Variants in STK32A observed in about 807,000 individuals in gnomAD.
STK32A encodes serine/threonine-protein kinase 32A.
In STK32A, 41 loss-of-function variants were observed where a neutral mutation model predicts 53.2. The observed-to-expected ratio is 0.77, with a 90% CI of 0.60 to 1.00. STK32A has a LOEUF of 1.00. Among genes scored for constraint, STK32A ranks in the 50% least tolerant of loss-of-function variants. The pLI is 0.00. For synonymous variants in STK32A, 166 were observed against 162.8 expected (o/e 1.02, Z -0.15); for missense variants, 458 against 485.8 (o/e 0.94, Z 0.54).
At chr5:147,273,594 C>A (rs1755137083) in intron 2 of STK32A, among the ~76,000 whole-genome samples, 1 of 152,152 alleles carries the variant, frequency 6.6e-6, no homozygotes. Flanking sequence ...TATAAACTTG[C>A]TAATGAGCAG....
At chr5:147,260,096 T>C (rs994358725) in intron 2 of STK32A, among the ~76,000 whole-genome samples, 1 of 142,670 alleles carries the variant, frequency 7.0e-6, no homozygotes, top group Non-Finnish European at 1.5e-5. Flanking sequence ...CCTCTGTCTC[T>C]GTCTCTGTCT....
rs78721247 is a variant in STK32A at position 147,282,342 on chromosome 5, T to C, written c.260+2944T>C. On this transcript the variant is annotated intron_variant, in intron 4 of 12. Coordinates refer to ENST00000397936, the MANE Select transcript of STK32A (RefSeq NM_001112724.2). ...CCACTGGAGAAGCTGAAGGTCTGTT[T>C]GTGGGAGAACAGCTTTAGCTCTTTT... 2.1e-3 allele frequency among the ~76,000 whole-genome samples: 323 copies of C among 152,282 alleles called. 2 individuals carry two copies. The highest frequency in any genetic ancestry group is 7.4e-3 in the African/African-American group (307 of 41,556).
At chr5:147,393,238 G>A in the STK32A span, 1 of 152,418 alleles carries the variant, frequency 6.6e-6, no homozygotes, top group Non-Finnish European at 1.5e-5. Flanking sequence ...GGCAGGGAGG[G>A]CAAGAGGAAG....
Position 147,368,209 on chromosome 5 carries a change from G to C in STK32A, c.661-2445G>C, listed in dbSNP as rs554371126. Among the ~76,000 whole-genome samples the C allele has an allele frequency of 4.6e-5, 7 of 152,346 alleles. No individual in the cohort carries two copies. In the South Asian group the frequency reaches 1.4e-3, roughly 32 times the overall value. On this transcript the variant is annotated intron_variant, in intron 8 of 12. Coordinates refer to ENST00000397936, the MANE Select transcript of STK32A (RefSeq NM_001112724.2). ...TATCCAAAAGTGTTAACTTAGGATA[G>C]ATGTGTACATAGTTTTGTACTCATT...
At chr5:147,296,826 T>C (rs971460821) in intron 4 of STK32A, among the ~76,000 whole-genome samples, 8 of 152,162 alleles carry the variant, frequency 5.3e-5, no homozygotes, top group African/African-American at 1.4e-4. Flanking sequence ...CATGTCTGCC[T>C]GCCTACTGTA....
chr5:147,298,603 T>A (rs115288648), intron 4 of STK32A, among the ~76,000 whole-genome samples: 1 of 152,204 alleles, frequency 6.6e-6, no homozygotes, highest in East Asian at 1.9e-4. Flanking sequence ...TTTAGATAGT[T>A]GAACTGCCTT....
At chr5:147,330,576 C>G (rs1200065713) in intron 5 of STK32A, among the ~76,000 whole-genome samples, 3 of 152,194 alleles carry the variant, frequency 2.0e-5, no homozygotes, top group Non-Finnish European at 1.5e-5. Context: ...CAGTTCCATA[C>G]CAATTTCTGC....
At chr5:147,250,546 G>T (rs764580120) in intron 2 of STK32A, among the ~76,000 whole-genome samples, 5 of 152,276 alleles carry the variant, frequency 3.3e-5, no homozygotes, top group Admixed American at 1.3e-4. Flanking sequence ...AAAATCTATG[G>T]GAGTAGGCAA....
At chr5:147,315,644 G>A (rs1325421996) in intron 4 of STK32A, among the ~76,000 whole-genome samples, 1 of 152,122 alleles carries the variant, frequency 6.6e-6, no homozygotes, top group African/African-American at 2.4e-5. Context: ...TCTAAAAATG[G>A]ACAGTGGTGA....
chr5:147,330,455 A>G (rs999124239), intron 5 of STK32A, among the ~76,000 whole-genome samples: 3 of 152,240 alleles, frequency 2.0e-5, no homozygotes, highest in Non-Finnish European at 4.4e-5. Context: ...GAACCAGCCC[A>G]TGCTGAGGGG....
At chr5:147,401,432 G>T in the STK32A span, 1 of 1,287,452 alleles carries the variant, frequency 7.8e-7, no homozygotes, top group Non-Finnish European at 1.1e-6. Flanking sequence ...TGTTCACACT[G>T]CAGACTCTGG....
intron 4 of STK32A, among the ~76,000 whole-genome samples, chr5:147,310,123 GC>G (rs1403814288): frequency 6.6e-6 from 1 of 152,140 alleles, no homozygotes; most frequent in East Asian, 1.9e-4. Context: ...GTTCCTGGTA[GC>G]GTTTCTACTG....
In STK32A at chr5:147,371,788, T is replaced by C. The variant is rs999531803; in HGVS notation, c.777+1018T>C. On this transcript the variant is annotated intron_variant, in intron 9 of 12. Coordinates refer to ENST00000397936, the MANE Select transcript of STK32A (RefSeq NM_001112724.2). ...GGTGTCTATGTGGGGTGCTGCATACTGGCAATGCATAATAAGACCACATAC... is the reference window on the plus strand; with the variant it reads ...GGTGTCTATGTGGGGTGCTGCATACCGGCAATGCATAATAAGACCACATAC... Among the ~76,000 whole-genome samples, 3 of 152,304 alleles carry C rather than the reference T, an allele frequency of 2.0e-5. No homozygotes were observed. In the East Asian group the frequency reaches 5.8e-4, roughly 29 times the overall value.
At chr5:147,257,573 C>T (rs1754289905) in intron 2 of STK32A, among the ~76,000 whole-genome samples, 2 of 152,250 alleles carry the variant, frequency 1.3e-5, no homozygotes, top group South Asian at 2.1e-4. Flanking sequence ...GCAGGGCTTT[C>T]CCCTGGGGCT....
chr5:147,384,099 A>G lies in STK32A; in HGVS notation c.*116A>G. ...ACACACCATGACTTAGAAAATGTGAATGAATATATTTCAAAAAAGGCAGCA... is the reference window on the plus strand; with the variant it reads ...ACACACCATGACTTAGAAAATGTGAGTGAATATATTTCAAAAAAGGCAGCA... On this transcript the variant is annotated 3_prime_UTR_variant, in exon 13 of 13. Transcript: ENST00000397936. 1 of 1,495,190 alleles carries G rather than the reference A, an allele frequency of 6.7e-7. No homozygotes were observed. Among genetic ancestry groups the G allele is most frequent in the Non-Finnish European group, 8.8e-7 (1 of 1,133,320 alleles). 92.6% of individuals were successfully genotyped at this position (1,495,190 alleles called of 1,614,324 possible). A position where few individuals can be genotyped will look rare whatever the true frequency, so the allele number is the denominator to read the frequency against.
Position 147,279,351 on chromosome 5 carries a change from A to G in STK32A, c.213A>G (p.Glu71=). ...ATGAAGTGAGAAATGTCTTCAAGGAACTCCAGATCATGCAGGGTCTGGAGC... is the reference window on the plus strand; with the variant it reads ...ATGAAGTGAGAAATGTCTTCAAGGAGCTCCAGATCATGCAGGGTCTGGAGC... ...ERNEVRNVFK[E]LQIMQGLEHP... is the part of the protein sequence containing the mutation. The change falls in exon 4 of 13, where the codon GAA becomes GAG. Residue 71 remains glutamate (E), a synonymous_variant. Coordinates refer to ENST00000397936, the MANE Select transcript of STK32A (RefSeq NM_001112724.2). The G allele has an allele frequency of 1.2e-6, 2 of 1,611,440 alleles. No homozygotes were observed. Among genetic ancestry groups the G allele is most frequent in the Non-Finnish European group, 1.7e-6 (2 of 1,178,652 alleles).
intron 4 of STK32A, among the ~76,000 whole-genome samples, chr5:147,317,461 G>A (rs954641018): frequency 6.6e-6 from 1 of 150,642 alleles, no homozygotes; most frequent in Non-Finnish European, 1.5e-5. Context: ...CTGAGTAGCT[G>A]AGATTATAGG....
chr5:147,261,515 T>A (rs1470479850), intron 2 of STK32A, among the ~76,000 whole-genome samples: 1 of 152,150 alleles, frequency 6.6e-6, no homozygotes, highest in Non-Finnish European at 1.5e-5. Context: ...GTAATCAGAC[T>A]GACTTAGAGT....
the STK32A span, chr5:147,394,102 AC>A: frequency 6.2e-7 from 1 of 1,613,584 alleles, no homozygotes; most frequent in Non-Finnish European, 8.5e-7. Flanking sequence ...GGCTGAGCGA[AC>A]CCCCTCATCC....
Sources: allele counts gnomAD v4.1 joint callset (sites outside exome capture counted in the v4.1 genomes callset), GRCh38; gene constraint gnomAD v4.1.1; transcripts MANE v1.5; gene names NCBI Gene and HGNC (gene_info 2026-07-23, HGNC 2026-07-21).